ZNF805: variants seen among roughly 807,000 people sequenced by gnomAD.
The protein encoded by ZNF805 is CTC-444N24.8.
A neutral mutation model predicts 13.6 loss-of-function variants in ZNF805; 7 were observed. The observed-to-expected ratio is 0.51, with a 90% confidence interval of 0.29 to 0.97. ZNF805 has a LOEUF of 0.97. ZNF805 is among the 50% of genes least tolerant of loss of function. The pLI is 0.08. For missense variants in ZNF805, 604 were observed against 771.0 expected (o/e 0.78, Z 2.57); for synonymous variants, 293 against 279.8 (o/e 1.05, Z -0.47).
At position 57,258,302 on chromosome 19, in the gene ZNF805, C is replaced by T. The variant is rs976476741; in HGVS notation, c.*3599C>T. On this transcript the variant is annotated 3_prime_UTR_variant, in exon 4 of 4. Transcript: ENST00000414468. The stretch of plus-strand genomic sequence containing the variant: ...ACAGGTATGTGTCACTGTGTCTGGC[C>T]CCAGTTTGCATATTTCTGTCTTTTA... Among the ~76,000 whole-genome samples, 4 of 151,968 alleles carry T rather than the reference C, an allele frequency of 2.6e-5. No individual in the cohort carries two copies. The highest frequency in any genetic ancestry group is 7.3e-5 in the African/African-American group (3 of 41,360).
intron 1 of ZNF805, among the ~76,000 whole-genome samples, chr19:57,241,511 C>A (rs1462381214): frequency 6.6e-6 from 1 of 152,144 alleles, no homozygotes; most frequent in East Asian, 1.9e-4. Flanking sequence ...GGATGAAGTT[C>A]CACTCCAGGG....
At chr19:57,240,973 C>T in intron 1 of ZNF805, 52 bp downstream of exon 1, 2 of 1,543,262 alleles carry the variant, frequency 1.3e-6, no homozygotes, top group South Asian at 1.2e-5. Flanking sequence ...TCGGGGAAGC[C>T]TCCTGGGCAG....
rs577089020 is a variant in ZNF805, at chr19:57,254,826, C to G, written c.*123C>G. Reference sequence around the variant, plus strand: ...AAAAACACCCAGTGGTTATTACGCACTTGGGAAAACCTTTAGCTCCATCTT... The same window carrying G: ...AAAAACACCCAGTGGTTATTACGCAGTTGGGAAAACCTTTAGCTCCATCTT... On this transcript the variant is annotated 3_prime_UTR_variant, in exon 4 of 4. Transcript: ENST00000414468. 2 of 1,001,250 alleles carry G rather than the reference C, an allele frequency of 2.0e-6. No homozygotes were observed. The highest frequency in any genetic ancestry group is 1.5e-6 in the Non-Finnish European group (1 of 689,150). 62.0% of individuals were successfully genotyped at this position (1,001,250 alleles called of 1,614,324 possible). A position where few individuals can be genotyped will look rare whatever the true frequency, so the allele number is the denominator to read the frequency against.
chr19:57,253,017 GTTTC>G lies in ZNF805; in HGVS notation c.254-53_254-50del. On this transcript the variant is annotated intron_variant, in intron 3 of 3. Coordinates refer to ENST00000414468, the MANE Select transcript of ZNF805 (RefSeq NM_001023563.4). The surrounding 1 kb of genome is among the most constrained non-coding windows in gnomAD (Gnocchi z 4.4). ...TTTTTTTTACTGAAGTGGTGAGTTT[GTTTC>G]TTCTCTTTTTACATTACTAACAAGC... 7.5e-7 allele frequency: 1 copy of G among 1,340,878 alleles called. No homozygotes were observed. The highest frequency in any genetic ancestry group is 9.6e-7 in the Non-Finnish European group (1 of 1,036,816). The allele number at this position is 1,340,878 out of a possible 1,614,324, so 83.1% of individuals were successfully genotyped here.
rs1056235658 is a variant in ZNF805 at position 57,262,291 on chromosome 19, C to T, written c.*7588C>T. On this transcript the variant is annotated 3_prime_UTR_variant, in exon 4 of 4. Coordinates refer to ENST00000414468, the MANE Select transcript of ZNF805 (RefSeq NM_001023563.4). ...ATTAAGCAAATAAAATTTTCTATAA[C>T]AGAAATAAGCCATAGCTTTGAGATG... 2.4e-5 allele frequency: 4 copies of T among 164,566 alleles called. No individual in the cohort carries two copies. Among genetic ancestry groups the T allele is most frequent in the African/African-American group, 9.8e-5 (4 of 40,616 alleles). The allele number at this position is 164,566 out of a possible 1,614,324, so 10.2% of individuals were successfully genotyped here. A position where few individuals can be genotyped will look rare whatever the true frequency, so the allele number is the denominator to read the frequency against.
chr19:57,245,857 G>C (rs1599988507), intron 2 of ZNF805, among the ~76,000 whole-genome samples: 1 of 151,722 alleles, frequency 6.6e-6, no homozygotes, highest in East Asian at 1.9e-4. Flanking sequence ...TAATGCACAG[G>C]ACAGATCCTT....
intron 2 of ZNF805, among the ~76,000 whole-genome samples, chr19:57,248,181 G>C (rs1425356723): frequency 6.8e-6 from 1 of 147,574 alleles, no homozygotes; most frequent in Admixed American, 6.8e-5. Flanking sequence ...TTTAGAGGAA[G>C]AGCATTATAA....
chr19:57,252,839 C>A (rs1329009653), intron 3 of ZNF805, among the ~76,000 whole-genome samples: 1 of 152,184 alleles, frequency 6.6e-6, no homozygotes, highest in Non-Finnish European at 1.5e-5. Flanking sequence ...GAAGCGATAT[C>A]TCCACTCTAG....
chr19:57,250,026 A>C (rs1209464868), intron 3 of ZNF805, among the ~76,000 whole-genome samples: 1 of 152,262 alleles, frequency 6.6e-6, no homozygotes, highest in Non-Finnish European at 1.5e-5. Context: ...CAAGGAACCC[A>C]TGATCTTGCT....
Position 57,258,208 on chromosome 19 carries a change from G to C in ZNF805, c.*3505G>C, listed in dbSNP as rs1033102772. Reference sequence around the variant, plus strand: ...AGTAGAGACGGGGTTTCATCATGTTGGTCAGGCTGGTCTCAAACTCCTGAC... The same window carrying C: ...AGTAGAGACGGGGTTTCATCATGTTCGTCAGGCTGGTCTCAAACTCCTGAC... On this transcript the variant is annotated 3_prime_UTR_variant, in exon 4 of 4. Transcript: ENST00000414468. Among the ~76,000 whole-genome samples, 8 of 151,494 alleles carry C rather than the reference G, an allele frequency of 5.3e-5. No individual in the cohort carries two copies. The highest frequency in any genetic ancestry group is 1.9e-4 in the African/African-American group (8 of 41,222).
In ZNF805 at chr19:57,240,826, G is replaced by A. The variant is rs2087574284; in HGVS notation, c.-66G>A. On this transcript the variant is annotated 5_prime_UTR_variant, in exon 1 of 4. Transcript: ENST00000414468. The stretch of plus-strand genomic sequence containing the variant: ...CGGCGCAGGGAAGGGGTGGGGCTCG[G>A]CTGAGCCCGCGAGACCCGCCCTGCT... 2.0e-6 allele frequency: 3 copies of A among 1,499,766 alleles called. No homozygotes were observed. The highest frequency in any genetic ancestry group is 5.1e-5 in the East Asian group (2 of 38,930). 92.9% of individuals were successfully genotyped at this position (1,499,766 alleles called of 1,614,324 possible).
Position 57,260,383 on chromosome 19 carries a change from C to T in ZNF805, c.*5680C>T, listed in dbSNP as rs546326749. Among the ~76,000 whole-genome samples the T allele has an allele frequency of 2.0e-5, 3 of 152,258 alleles. No individual in the cohort carries two copies. Among genetic ancestry groups the T allele is most frequent in the East Asian group, 1.9e-4 (1 of 5,170 alleles). ...CCTGAGTAACTATTCTGTGCACTGT[C>T]GCCACCCCTTTACATTTCCTTTTAC... On this transcript the variant is annotated 3_prime_UTR_variant, in exon 4 of 4. Coordinates refer to ENST00000414468, the MANE Select transcript of ZNF805 (RefSeq NM_001023563.4).
intron 3 of ZNF805, among the ~76,000 whole-genome samples, chr19:57,249,430 ATTATTT>A (rs1343682839): frequency 1.3e-5 from 2 of 152,208 alleles, no homozygotes; most frequent in African/African-American, 4.8e-5. Flanking sequence ...AAAGAAAAAC[ATTATTT>A]TTATGCCATT....
intron 3 of ZNF805, among the ~76,000 whole-genome samples, chr19:57,249,126 T>G (rs1413171990): frequency 6.6e-6 from 1 of 152,232 alleles, no homozygotes; most frequent in Non-Finnish European, 1.5e-5. Flanking sequence ...ACACAGTTAT[T>G]CAGGACCTAG....
chr19:57,254,942 T>C lies in ZNF805; in HGVS notation c.*239T>C. The C allele has an allele frequency of 2.0e-6, 1 of 504,058 alleles. No homozygotes were observed. Among genetic ancestry groups the C allele is most frequent in the South Asian group, 2.8e-5 (1 of 35,206 alleles). The allele number at this position is 504,058 out of a possible 1,614,324, so 31.2% of individuals were successfully genotyped here. On this transcript the variant is annotated 3_prime_UTR_variant, in exon 4 of 4. Coordinates refer to ENST00000414468, the MANE Select transcript of ZNF805 (RefSeq NM_001023563.4). The stretch of plus-strand genomic sequence containing the variant: ...AAGAAAATGAAATGCAGACACTGCT[T>C]TTATACTGTTGTCTTGTATGTACAT...
intron 2 of ZNF805, among the ~76,000 whole-genome samples, chr19:57,245,666 C>G (rs551924594): frequency 6.6e-5 from 10 of 151,090 alleles, no homozygotes; most frequent in African/African-American, 2.2e-4. Flanking sequence ...GTAGTCCCAG[C>G]TACTCGGGAG....
Position 57,254,475 on chromosome 19 carries a change from G to A in ZNF805, c.1656G>A (p.Ser552=), listed in dbSNP as rs375996899. ...SECGKAFSRS[S]SLTQHQRMHT... ...GTGGAAAGGCCTTCAGTCGCAGCTCGTCCCTCACTCAGCATCAAAGGATGC... is the reference window on the plus strand; with the variant it reads ...GTGGAAAGGCCTTCAGTCGCAGCTCATCCCTCACTCAGCATCAAAGGATGC... Residue 552 remains serine (S), a synonymous_variant, in exon 4 of 4, where the codon TCG becomes TCA. Transcript: ENST00000414468. 3.0e-5 allele frequency: 49 copies of A among 1,614,086 alleles called. No homozygotes were observed. Among genetic ancestry groups the A allele is most frequent in the Non-Finnish European group, 3.3e-5 (39 of 1,180,038 alleles).
Position 57,260,823 on chromosome 19 carries a change from AT to A in ZNF805, c.*6121del, listed in dbSNP as rs1285662267. ...GCACTCACTGAGCCTATATGCATGT[AT>A]CATGTGGCCATGACCTTGGCCGTGG... On this transcript the variant is annotated 3_prime_UTR_variant, in exon 4 of 4. Transcript: ENST00000414468. Among the ~76,000 whole-genome samples the A allele has an allele frequency of 6.6e-6, 1 of 152,204 alleles. No homozygotes were observed. The highest frequency in any genetic ancestry group is 1.5e-5 in the Non-Finnish European group (1 of 68,042).
chr19:57,249,548 C>T (rs2087639272), intron 3 of ZNF805, among the ~76,000 whole-genome samples: 1 of 152,198 alleles, frequency 6.6e-6, no homozygotes, highest in African/African-American at 2.4e-5. Context: ...GAGTGTTACT[C>T]ATGTCATATA....
Sources: allele counts gnomAD v4.1 joint callset (sites outside exome capture counted in the v4.1 genomes callset), GRCh38; gene constraint gnomAD v4.1.1; non-coding constraint Gnocchi (gnomAD v3.1); transcripts MANE v1.5; gene names NCBI Gene and HGNC (gene_info 2026-07-23, HGNC 2026-07-21).